CCDC178: variants seen among roughly 807,000 people sequenced by gnomAD.
The protein encoded by CCDC178 is coiled-coil domain containing 178, also known as coiled-coil domain-containing protein 178.
In CCDC178, 126 loss-of-function variants were observed where a neutral mutation model predicts 117.4. The ratio of observed to expected loss-of-function variants is 1.07; its 90% CI spans 0.93 to 1.24. The LOEUF (loss-of-function observed/expected upper bound fraction) is 1.24. Ranked by LOEUF, CCDC178 falls within the 50% of genes most tolerant of loss-of-function variation. The pLI, the probability that CCDC178 is intolerant of heterozygous loss-of-function variation, is 0.00. For missense variants in CCDC178, 1,030 were observed against 986.9 expected (o/e 1.04, Z -0.59); for synonymous variants, 283 against 313.4 (o/e 0.90, Z 1.02).
In CCDC178 at chr18:33,034,071, C is replaced by T. The variant is rs1014794982; in HGVS notation, c.2388+58690G>A. The stretch of plus-strand genomic sequence containing the variant: ...CCGTTTTTCCTCTTACTAAACCTGT[C>T]TTTTAGAAAATCACCTGTGTCCCAA... On this transcript the variant is annotated intron_variant, in intron 21 of 22. Coordinates refer to ENST00000383096, the MANE Select transcript of CCDC178 (RefSeq NM_001105528.4). Among the ~76,000 whole-genome samples, 4 of 151,954 alleles carry T rather than the reference C, an allele frequency of 2.6e-5. 1 individual carries two copies. Among genetic ancestry groups the T allele is most frequent in the Non-Finnish European group, 5.9e-5 (4 of 67,940 alleles).
chr18:33,225,076 C>T (rs1425015967), intron 16 of CCDC178, 140 bp from the exon 17 acceptor site: 12 of 361,450 alleles, frequency 3.3e-5, no homozygotes, highest in African/African-American at 1.1e-4. Flanking sequence ...AAAATGGATA[C>T]GAATGTAATA....
chr18:33,220,140 G>A (rs2059213408), intron 18 of CCDC178, among the ~76,000 whole-genome samples: 1 of 152,024 alleles, frequency 6.6e-6, no homozygotes, highest in Non-Finnish European at 1.5e-5. Flanking sequence ...GTTTTGGTCT[G>A]TAGATTGCTC....
chr18:33,376,018 C>G (rs962331640), intron 5 of CCDC178, among the ~76,000 whole-genome samples: 1 of 152,080 alleles, frequency 6.6e-6, no homozygotes, highest in Non-Finnish European at 1.5e-5. Context: ...AACGGCCAAG[C>G]GGGTGACTTG....
chr18:33,281,856 T>G (rs1320547727), intron 12 of CCDC178, among the ~76,000 whole-genome samples: 1 of 152,228 alleles, frequency 6.6e-6, no homozygotes, highest in Admixed American at 6.5e-5. Flanking sequence ...GTTTTAGAGA[T>G]ATTTATTACA....
chr18:33,218,333 T>C (rs1330096420), intron 18 of CCDC178, among the ~76,000 whole-genome samples: 3 of 152,182 alleles, frequency 2.0e-5, no homozygotes, highest in Admixed American at 1.3e-4. Context: ...TTAAGTTCTT[T>C]GTAGATTCTG....
At chr18:33,305,342 G>A (rs961369832) in intron 11 of CCDC178, among the ~76,000 whole-genome samples, 1 of 152,158 alleles carries the variant, frequency 6.6e-6, no homozygotes, top group Non-Finnish European at 1.5e-5. Context: ...TTATATAGCT[G>A]TACTGGAAAG....
chr18:33,145,757 T>C (rs2058259998), intron 20 of CCDC178, among the ~76,000 whole-genome samples: 1 of 152,202 alleles, frequency 6.6e-6, no homozygotes, highest in Admixed American at 6.5e-5. Flanking sequence ...AAGGAGACCA[T>C]GAAGGGCATC....
chr18:32,983,999 T>C (rs993135310), intron 21 of CCDC178, among the ~76,000 whole-genome samples: 5 of 152,160 alleles, frequency 3.3e-5, no homozygotes, highest in Non-Finnish European at 7.4e-5. Context: ...AAGCTATACA[T>C]GTACAATATA....
Position 33,180,865 on chromosome 18 carries a change from T to G in CCDC178, c.2238+31031A>C, listed in dbSNP as rs1300205915. On this transcript the variant is annotated intron_variant, in intron 20 of 22. Coordinates refer to ENST00000383096, the MANE Select transcript of CCDC178 (RefSeq NM_001105528.4). ...TCCTTCTACTCTTGGCCTATGCCAC[T>G]TGTCTATGACAATAGCTTGCTATCA... Among the ~76,000 whole-genome samples the G allele has an allele frequency of 2.6e-5, 4 of 152,092 alleles. 1 individual carries two copies. The highest frequency in any genetic ancestry group is 5.9e-5 in the Non-Finnish European group (4 of 67,954).
chr18:33,141,253 G>A (rs570841919), intron 20 of CCDC178, among the ~76,000 whole-genome samples: 6 of 152,268 alleles, frequency 3.9e-5, no homozygotes, highest in South Asian at 2.1e-4. Context: ...AGGGAGACAC[G>A]GAAACAAATA....
At chr18:33,115,788 G>C (rs1598898593) in intron 20 of CCDC178, among the ~76,000 whole-genome samples, 1 of 152,092 alleles carries the variant, frequency 6.6e-6, no homozygotes, top group East Asian at 2.0e-4. Context: ...CTTTCAAGGA[G>C]TTAATCGTTC....
At chr18:33,334,412 T>C (rs1448015658) in intron 9 of CCDC178, among the ~76,000 whole-genome samples, 1 of 152,040 alleles carries the variant, frequency 6.6e-6, no homozygotes, top group Non-Finnish European at 1.5e-5. Context: ...CTTATATTAA[T>C]GTATAAATTT....
Position 32,973,706 on chromosome 18 carries a change from G to C in CCDC178, c.2523+841C>G, listed in dbSNP as rs1033568151. Reference sequence around the variant, plus strand: ...TTGAATTAAAAGTAATATGAAGTGCGTGTATAATAAAATGTTTAGAAAAAG... The same window carrying C: ...TTGAATTAAAAGTAATATGAAGTGCCTGTATAATAAAATGTTTAGAAAAAG... On this transcript the variant is annotated intron_variant, in intron 22 of 22. Coordinates refer to ENST00000383096, the MANE Select transcript of CCDC178 (RefSeq NM_001105528.4). Among the ~76,000 whole-genome samples the C allele has an allele frequency of 5.9e-5, 9 of 152,120 alleles. No individual in the cohort carries two copies. The East Asian group carries it at 1.7e-3, about 29-fold the overall frequency.
intron 11 of CCDC178, among the ~76,000 whole-genome samples, chr18:33,306,410 CTT>C (rs1568131879): frequency 1.9e-5 from 1 of 53,184 alleles, no homozygotes. Flanking sequence ...GCTATTGGAT[CTT>C]TGTGTGTGTG....
In CCDC178 at chr18:33,315,963, T is replaced by G. The variant is rs369244181; in HGVS notation, c.1022+7528A>C. The stretch of plus-strand genomic sequence containing the variant: ...TGTAGCAGAGCACATCTCCCATATA[T>G]ACAAGCATTGTACCTAGAGTGGACA... On this transcript the variant is annotated intron_variant, in intron 11 of 22. Coordinates refer to ENST00000383096, the MANE Select transcript of CCDC178 (RefSeq NM_001105528.4). 6.6e-5 allele frequency among the ~76,000 whole-genome samples: 10 copies of G among 152,234 alleles called. 1 individual carries two copies. The East Asian group carries it at 9.6e-4, about 15-fold the overall frequency.
At chr18:32,999,614 C>A (rs2055590872) in intron 21 of CCDC178, among the ~76,000 whole-genome samples, 1 of 152,154 alleles carries the variant, frequency 6.6e-6, no homozygotes, top group Non-Finnish European at 1.5e-5. Flanking sequence ...TGTCATCCAT[C>A]CTCCAGCTCC....
At chr18:33,060,230 G>A (rs1039942445) in intron 21 of CCDC178, among the ~76,000 whole-genome samples, 1 of 152,048 alleles carries the variant, frequency 6.6e-6, no homozygotes, top group Admixed American at 6.5e-5. Context: ...GCCAAATAAC[G>A]AGTTTCTGGT....
intron 21 of CCDC178, among the ~76,000 whole-genome samples, chr18:32,996,385 A>G (rs1210800398): frequency 2.6e-5 from 4 of 152,008 alleles, no homozygotes; most frequent in Non-Finnish European, 4.4e-5. Context: ...AGAAATATTA[A>G]GTAACCTTAA....
chr18:33,141,671 G>A (rs571921095), intron 20 of CCDC178, among the ~76,000 whole-genome samples: 27 of 152,296 alleles, frequency 1.8e-4, no homozygotes, highest in African/African-American at 6.0e-4. Context: ...TTCCTCTGGG[G>A]AAGAAGTGAA....
Sources: allele counts gnomAD v4.1 joint callset (sites outside exome capture counted in the v4.1 genomes callset), GRCh38; gene constraint gnomAD v4.1.1; transcripts MANE v1.5; gene names NCBI Gene and HGNC (gene_info 2026-07-23, HGNC 2026-07-21).